The following C1QTNF7 variants were observed in gnomAD, a reference collection of about 807,000 sequenced individuals.
C1QTNF7 encodes complement C1q tumor necrosis factor-related protein 7.
A neutral mutation model predicts 19.6 loss-of-function variants in C1QTNF7; 15 were observed. That is an observed-to-expected ratio of 0.76 (90% CI 0.51 to 1.18). The LOEUF (loss-of-function observed/expected upper bound fraction) is 1.18, where lower values mean the gene tolerates loss of function less well. C1QTNF7 is among the 50% of genes most tolerant of loss of function. The pLI is 0.00. For synonymous variants in C1QTNF7, 142 were observed against 137.5 expected (o/e 1.03, Z -0.23); for missense variants, 324 against 359.7 (o/e 0.90, Z 0.80).
At chr4:15,365,609 C>T (rs988330128) in intron 1 of C1QTNF7, among the ~76,000 whole-genome samples, 2 of 152,134 alleles carry the variant, frequency 1.3e-5, no homozygotes, top group Non-Finnish European at 2.9e-5. Context: ...AATGCATGAG[C>T]TCATGAAACT....
intron 1 of C1QTNF7, among the ~76,000 whole-genome samples, chr4:15,386,886 C>T (rs77372570): frequency 6.6e-6 from 1 of 152,116 alleles, no homozygotes; most frequent in African/African-American, 2.4e-5. Context: ...CCTCCTGGCT[C>T]ACTCTAAGCC....
At chr4:15,441,397 C>G (rs1471403489) in intron 2 of C1QTNF7, among the ~76,000 whole-genome samples, 4 of 152,158 alleles carry the variant, frequency 2.6e-5, no homozygotes, top group African/African-American at 4.8e-5. Flanking sequence ...CATAGTAAAT[C>G]CTTCATAAAT....
At chr4:15,426,344 A>G (rs1294012358), upstream of C1QTNF7, among the ~76,000 whole-genome samples, 1 of 152,226 alleles carries the variant, frequency 6.6e-6, no homozygotes, top group Non-Finnish European at 1.5e-5. Flanking sequence ...ATAGACACTG[A>G]CAAGCTTTAT....
chr4:15,356,800 G>C (rs558263687), intron 1 of C1QTNF7, among the ~76,000 whole-genome samples: 3 of 152,098 alleles, frequency 2.0e-5, no homozygotes, highest in African/African-American at 7.2e-5. Context: ...TCTAACTGGC[G>C]TGAGATGGTA....
intron 1 of C1QTNF7, among the ~76,000 whole-genome samples, chr4:15,412,740 C>T (rs1021187909): frequency 1.3e-5 from 2 of 152,312 alleles, no homozygotes; most frequent in African/African-American, 4.8e-5. Flanking sequence ...AAGTAAATTA[C>T]ACTAAAAGAC....
chr4:15,422,774 T>C (rs945750782), intron 1 of C1QTNF7, among the ~76,000 whole-genome samples: 21 of 152,110 alleles, frequency 1.4e-4, no homozygotes, highest in African/African-American at 5.1e-4. Flanking sequence ...GCTGGTTTTT[T>C]ATTTCTTTTT....
At chr4:15,339,870 C>T (rs1333199885), upstream of C1QTNF7, 2 of 456,930 alleles carry the variant, frequency 4.4e-6, no homozygotes, top group Admixed American at 3.9e-5. Context: ...ATATTAAGCT[C>T]TTTGAAATGT....
rs564995871 is a variant in C1QTNF7, at chr4:15,364,994, T to C, written c.13+24787T>C. On this transcript the variant is annotated intron_variant, in intron 1 of 2. Coordinates refer to the C1QTNF7 transcript ENST00000295297. ...GGAGTACTTTTGAAAAGCTGATATA[T>C]CATCACCTGGGGCTTCATCCCACGT... is the stretch of plus-strand genomic sequence containing the variant. Among the ~76,000 whole-genome samples the C allele has an allele frequency of 8.1e-4, 123 of 152,260 alleles. 1 individual carries two copies. The highest frequency in any genetic ancestry group is 1.5e-3 in the Non-Finnish European group (105 of 68,030).
intron 1 of C1QTNF7, among the ~76,000 whole-genome samples, chr4:15,375,122 C>T (rs529037789): frequency 1.3e-5 from 2 of 151,910 alleles, no homozygotes; most frequent in African/African-American, 4.8e-5. Flanking sequence ...TCTCTGTAAC[C>T]CTACTCTGAA....
rs547039887 is a variant in C1QTNF7, at chr4:15,377,256, G to T, written c.13+37049G>T. Among the ~76,000 whole-genome samples the T allele has an allele frequency of 2.6e-5, 4 of 152,308 alleles. No homozygotes were observed. In the South Asian group the frequency reaches 6.2e-4, roughly 24 times the overall value. ...TTGACATTTTCCCCAACTCAAATTT[G>T]TGGATTACCCTGTGGTCAGAATCAA... On this transcript the variant is annotated intron_variant, in intron 1 of 2. Transcript: ENST00000295297.
chr4:15,369,471 T>G (rs1287588296), intron 1 of C1QTNF7, among the ~76,000 whole-genome samples: 1 of 152,252 alleles, frequency 6.6e-6, no homozygotes, highest in Non-Finnish European at 1.5e-5. Context: ...TGTATAGTTT[T>G]ATTATCTTCA....
chr4:15,397,605 A>G (rs1387348957), intron 1 of C1QTNF7, among the ~76,000 whole-genome samples: 1 of 152,240 alleles, frequency 6.6e-6, no homozygotes, highest in East Asian at 1.9e-4. Context: ...GCTTGAAGAT[A>G]GTAAGTCATG....
chr4:15,414,948 G>A (rs886694048), intron 1 of C1QTNF7, among the ~76,000 whole-genome samples: 2 of 152,162 alleles, frequency 1.3e-5, no homozygotes, highest in African/African-American at 4.8e-5. Flanking sequence ...GAGAATAGAG[G>A]CCAATGCCTT....
At chr4:15,387,238 TGA>T (rs1397642630) in intron 1 of C1QTNF7, among the ~76,000 whole-genome samples, 2 of 152,078 alleles carry the variant, frequency 1.3e-5, no homozygotes, top group Admixed American at 6.5e-5. Context: ...GGGGACAGGT[TGA>T]GAGAGAGCAA....
At chr4:15,442,067 C>T in intron 2 of C1QTNF7, 101 bp from the exon 3 acceptor site, 1 of 1,357,868 alleles carries the variant, frequency 7.4e-7, no homozygotes. Flanking sequence ...TAAATGTTGC[C>T]TGAAAAGACA....
intron 1 of C1QTNF7, among the ~76,000 whole-genome samples, chr4:15,360,143 G>A (rs1439443840): frequency 6.6e-6 from 1 of 152,178 alleles, no homozygotes; most frequent in Non-Finnish European, 1.5e-5. Context: ...CACTTAGACA[G>A]ACAGCCATCC....
At chr4:15,361,516 C>G (rs1220302499) in intron 1 of C1QTNF7, among the ~76,000 whole-genome samples, 1 of 152,088 alleles carries the variant, frequency 6.6e-6, no homozygotes, top group Admixed American at 6.6e-5. Context: ...CTGAAATATA[C>G]TCTCTGCCAT....
At chr4:15,392,387 A>G (rs1281716602) in intron 1 of C1QTNF7, among the ~76,000 whole-genome samples, 1 of 152,166 alleles carries the variant, frequency 6.6e-6, no homozygotes, top group Non-Finnish European at 1.5e-5. Context: ...TACACACACA[A>G]TGGAGTGTTA....
At chr4:15,384,130 T>C (rs1367093422) in intron 1 of C1QTNF7, among the ~76,000 whole-genome samples, 6 of 152,096 alleles carry the variant, frequency 3.9e-5, no homozygotes, top group African/African-American at 1.2e-4. Flanking sequence ...TTGGGGATAG[T>C]AGGGAAATTG....
Sources: gnomAD v4.1 joint callset for allele counts (sites outside exome capture counted in the v4.1 genomes callset) on GRCh38, gnomAD v4.1.1 for gene constraint, MANE v1.5 for transcripts, NCBI Gene and HGNC (gene_info 2026-07-23, HGNC 2026-07-21) for gene names.